The following LURAP1 variants were observed in gnomAD, a reference collection of about 807,000 sequenced individuals.
LURAP1 encodes the protein NF-kappa-B activator C1orf190.
LURAP1 carries 14 observed loss-of-function variants against 19.0 expected under a neutral mutation model. The ratio of observed to expected loss-of-function variants is 0.74; its 90% CI spans 0.49 to 1.15. LURAP1 has a LOEUF of 1.15. Among genes scored for constraint, LURAP1 ranks in the 50% most tolerant of loss-of-function variants. The pLI, the probability that LURAP1 is intolerant of heterozygous loss-of-function variation, is 0.00. For synonymous variants in LURAP1, 129 were observed against 131.8 expected (o/e 0.98, Z 0.14); for missense variants, 273 against 309.1 (o/e 0.88, Z 0.87).
At chr1:46,206,047 C>G (rs1393434400) in intron 1 of LURAP1, among the ~76,000 whole-genome samples, 2 of 152,192 alleles carry the variant, frequency 1.3e-5, no homozygotes, top group African/African-American at 4.8e-5. Flanking sequence ...GTGAACAAGC[C>G]AGACTGGGAT....
rs1471044751 is a variant in LURAP1, at chr1:46,220,114, G to A, written c.614G>A (p.Arg205Lys). Residue 205 changes from arginine to lysine, a missense_variant, in exon 2 of 2, where the codon AGG (arginine) becomes AAG (lysine). Transcript: ENST00000371980. ...LRAVWKPPGE[R>K]LQGGPPESPE... ...GCTGTGTGGAAGCCCCCAGGGGAGAGGCTTCAAGGTGGACCACCTGAGTCA... is the reference window on the plus strand; with the variant it reads ...GCTGTGTGGAAGCCCCCAGGGGAGAAGCTTCAAGGTGGACCACCTGAGTCA... 6 of 1,614,236 alleles carry A rather than the reference G, an allele frequency of 3.7e-6. No individual in the cohort carries two copies. The highest frequency in any genetic ancestry group is 4.5e-5 in the East Asian group (2 of 44,888).
In LURAP1 at chr1:46,213,073, A is replaced by T. The variant is rs370112267; in HGVS notation, c.199-6626A>T. ...AACATTTTGATCAATGATAGACTAC[A>T]TATGTCAAATAAACATTTATCATGT... On this transcript the variant is annotated intron_variant, in intron 1 of 1. Coordinates refer to ENST00000371980, the MANE Select transcript of LURAP1 (RefSeq NM_001013615.3). Among the ~76,000 whole-genome samples the T allele has an allele frequency of 4.6e-5, 7 of 152,244 alleles. No homozygotes were observed. The East Asian group carries it at 1.4e-3, about 29-fold the overall frequency.
At chr1:46,204,272 A>G (rs2148234874) in intron 1 of LURAP1, among the ~76,000 whole-genome samples, 1 of 152,302 alleles carries the variant, frequency 6.6e-6, no homozygotes. Flanking sequence ...TCTTCCAGGT[A>G]AACTGGATAT....
intron 1 of LURAP1, among the ~76,000 whole-genome samples, chr1:46,205,470 T>C (rs990431059): frequency 6.6e-6 from 1 of 152,220 alleles, no homozygotes; most frequent in Non-Finnish European, 1.5e-5. Context: ...TTTTATGTCA[T>C]TGAAATGAGA....
At chr1:46,216,495 C>T (rs1435893094) in intron 1 of LURAP1, among the ~76,000 whole-genome samples, 2 of 152,112 alleles carry the variant, frequency 1.3e-5, no homozygotes, top group Non-Finnish European at 2.9e-5. Context: ...GCACATACCA[C>T]CACACCTGAC....
At chr1:46,204,054 A>C (rs1180181890) in intron 1 of LURAP1, among the ~76,000 whole-genome samples, 1 of 152,182 alleles carries the variant, frequency 6.6e-6, no homozygotes, top group African/African-American at 2.4e-5. Flanking sequence ...GTGAGGCCGC[A>C]GTGTTCCGCA....
At chr1:46,203,652 G>A (rs759267293) in intron 1 of LURAP1, 28 bp downstream of exon 1, 2 of 1,591,594 alleles carry the variant, frequency 1.3e-6, no homozygotes, top group Non-Finnish European at 1.7e-6. Context: ...GGGCCAAGGG[G>A]ACGAGTCCCT....
chr1:46,212,925 A>G (rs1246288505), intron 1 of LURAP1, among the ~76,000 whole-genome samples: 1 of 150,500 alleles, frequency 6.6e-6, no homozygotes, highest in Non-Finnish European at 1.5e-5. Flanking sequence ...ACACCTGGCA[A>G]AAATTTTTTT....
chr1:46,204,600 T>C (rs2148235258), intron 1 of LURAP1, among the ~76,000 whole-genome samples: 1 of 152,274 alleles, frequency 6.6e-6, no homozygotes, highest in African/African-American at 2.4e-5. Context: ...ATGGGGGCTC[T>C]GAGACCAGCC....
At chr1:46,210,867 C>A (rs1179846852) in intron 1 of LURAP1, among the ~76,000 whole-genome samples, 1 of 151,966 alleles carries the variant, frequency 6.6e-6, no homozygotes, top group Non-Finnish European at 1.5e-5. Context: ...CTGTACTTCT[C>A]TGGCTCAATC....
In LURAP1 at chr1:46,219,962, C is replaced by T. The variant is rs773289688; in HGVS notation, c.462C>T (p.Ser154=). The change falls in exon 2 of 2, where the codon AGC becomes AGT. Residue 154 remains serine (S), a synonymous_variant. Transcript: ENST00000371980. The part of the protein sequence containing the change: ...IGSFLDTVAP[S]ELDEQGPPGA... Reference sequence around the variant, plus strand: ...GCTTCCTGGACACAGTGGCCCCCAGCGAGCTGGATGAACAGGGCCCACCTG... The same window carrying T: ...GCTTCCTGGACACAGTGGCCCCCAGTGAGCTGGATGAACAGGGCCCACCTG... 88 of 1,614,250 alleles carry T rather than the reference C, an allele frequency of 5.5e-5. No individual in the cohort carries two copies. The Admixed American group carries it at 7.7e-4, about 14-fold the overall frequency.
intron 1 of LURAP1, among the ~76,000 whole-genome samples, chr1:46,209,101 C>T (rs536367391): frequency 6.6e-6 from 1 of 151,360 alleles, no homozygotes; most frequent in Admixed American, 6.6e-5. Context: ...CTTGGCTCAC[C>T]GCAACCTCCG....
intron 1 of LURAP1, 137 bp from the exon 2 acceptor site, chr1:46,219,562 C>T: frequency 1.1e-6 from 1 of 909,544 alleles, no homozygotes; most frequent in Non-Finnish European, 1.6e-6. Flanking sequence ...CTTCTGAAGC[C>T]TACACTGCAA....
In LURAP1 at chr1:46,219,984, C is replaced by T. The variant is rs377174586; in HGVS notation, c.484C>T (p.Pro162Ser). 7 of 1,614,246 alleles carry T rather than the reference C, an allele frequency of 4.3e-6. No homozygotes were observed. The Admixed American group carries it at 1.0e-4, about 23-fold the overall frequency. ...CAGCGAGCTGGATGAACAGGGCCCA[C>T]CTGGGGCTCCACGTTCCGAGATGGA... The part of the protein sequence containing the change: ...APSELDEQGP[P>S]GAPRSEMDWA... Residue 162 changes from proline to serine, a missense_variant, in exon 2 of 2, where the codon CCT becomes TCT. Coordinates refer to ENST00000371980, the MANE Select transcript of LURAP1 (RefSeq NM_001013615.3).
At chr1:46,215,338 G>A (rs1358596809) in intron 1 of LURAP1, among the ~76,000 whole-genome samples, 1 of 151,068 alleles carries the variant, frequency 6.6e-6, no homozygotes, top group Admixed American at 6.6e-5. Context: ...AGAAAGAACA[G>A]AAAAATACTG....
chr1:46,207,526 T>C lies in LURAP1; in HGVS notation c.198+3902T>C, dbSNP rs569033028. Among the ~76,000 whole-genome samples the C allele has an allele frequency of 4.6e-5, 7 of 151,356 alleles. 1 individual carries two copies. In the South Asian group the frequency reaches 1.5e-3, roughly 32 times the overall value. ...CACTAGCGTTTGCCACACTGAACTT[T>C]TCTTTCTTTCTTTCTTTCTTTTTTT... On this transcript the variant is annotated intron_variant, in intron 1 of 1. Transcript: ENST00000371980.
intron 1 of LURAP1, among the ~76,000 whole-genome samples, chr1:46,208,614 G>A (rs530525080): frequency 3.3e-5 from 5 of 152,178 alleles, no homozygotes; most frequent in South Asian, 2.1e-4. Context: ...AGGCCGAGGC[G>A]GGCGGATCAC....
intron 1 of LURAP1, among the ~76,000 whole-genome samples, chr1:46,218,235 T>C (rs1337218074): frequency 6.6e-6 from 1 of 151,946 alleles, no homozygotes; most frequent in African/African-American, 2.4e-5. Context: ...GTACAAAAAA[T>C]AAAATTAGCC....
chr1:46,205,866 G>T (rs61784560), intron 1 of LURAP1, among the ~76,000 whole-genome samples: 2 of 152,158 alleles, frequency 1.3e-5, no homozygotes, highest in Non-Finnish European at 2.9e-5. Flanking sequence ...ATTTGCCTTC[G>T]GGCTACTGAA....
Sources: allele counts gnomAD v4.1 joint callset (sites outside exome capture counted in the v4.1 genomes callset), GRCh38; gene constraint gnomAD v4.1.1; transcripts MANE v1.5; gene names NCBI Gene and HGNC (gene_info 2026-07-23, HGNC 2026-07-21).